Variants in NCKAP5 observed in about 807,000 individuals in gnomAD.
NCKAP5 encodes the protein nck-associated protein 5.
A neutral mutation model predicts 167.0 loss-of-function variants in NCKAP5; 92 were observed. The ratio of observed to expected loss-of-function variants is 0.55; its 90% CI spans 0.47 to 0.66. The LOEUF (loss-of-function observed/expected upper bound fraction) is 0.66. Ranked by LOEUF, NCKAP5 falls within the 30% of genes least tolerant of loss-of-function variation. NCKAP5 has a pLI of 0.00. For synonymous variants in NCKAP5, 891 were observed against 877.4 expected, an observed-to-expected ratio of 1.02 and a Z score of -0.27; for missense variants, 2,378 against 2,315.0, an observed-to-expected ratio of 1.03 and a Z score of -0.56.
intron 10 of NCKAP5, among the ~76,000 whole-genome samples, chr2:132,868,608 C>T (rs1438361826): frequency 6.6e-6 from 1 of 152,064 alleles, no homozygotes; most frequent in Non-Finnish European, 1.5e-5. Context: ...AAAGAAGATA[C>T]TCGTTTTATA....
chr2:133,252,432 C>A (rs1452092169), intron 4 of NCKAP5, among the ~76,000 whole-genome samples: 2 of 152,160 alleles, frequency 1.3e-5, no homozygotes, highest in East Asian at 3.9e-4. Context: ...AAGTAGAAAA[C>A]ACAAAAGCAC....
the NCKAP5 span, among the ~76,000 whole-genome samples, chr2:133,671,179 C>T: frequency 7.5e-6 from 1 of 132,546 alleles, no homozygotes; most frequent in Non-Finnish European, 1.5e-5. Flanking sequence ...CGTGCCATTG[C>T]ACTCCAGCCT....
At chr2:132,735,730 C>T (rs551659457) in intron 16 of NCKAP5, among the ~76,000 whole-genome samples, 2 of 152,206 alleles carry the variant, frequency 1.3e-5, no homozygotes, top group African/African-American at 2.4e-5. Context: ...ATTCAAAAAC[C>T]GAAGTAAGAA....
At chr2:133,335,361 C>T (rs946818347) in intron 3 of NCKAP5, among the ~76,000 whole-genome samples, 3 of 152,142 alleles carry the variant, frequency 2.0e-5, no homozygotes, top group Non-Finnish European at 4.4e-5. Flanking sequence ...GCTAGTAATT[C>T]TTATTTGACT....
chr2:132,989,840 T>A (rs1362853884), intron 7 of NCKAP5, among the ~76,000 whole-genome samples: 1 of 152,136 alleles, frequency 6.6e-6, no homozygotes, highest in Non-Finnish European at 1.5e-5. Flanking sequence ...GATACCCACA[T>A]CCCAGTCCCT....
chr2:133,394,345 C>T (rs1254895727), intron 3 of NCKAP5, among the ~76,000 whole-genome samples: 2 of 152,130 alleles, frequency 1.3e-5, no homozygotes, highest in Non-Finnish European at 2.9e-5. Flanking sequence ...AAGCATCTAG[C>T]GAGTCCCCTG....
At chr2:132,875,864 C>T (rs1160387490) in intron 9 of NCKAP5, among the ~76,000 whole-genome samples, 2 of 152,092 alleles carry the variant, frequency 1.3e-5, no homozygotes, top group Non-Finnish European at 2.9e-5. Context: ...TGTTTGTATA[C>T]AGGTGTGTGC....
At chr2:133,348,994 A>G (rs542207032) in intron 3 of NCKAP5, among the ~76,000 whole-genome samples, 1 of 152,358 alleles carries the variant, frequency 6.6e-6, no homozygotes, top group South Asian at 2.1e-4. Flanking sequence ...ATGTCCTTCC[A>G]AATATAACTC....
chr2:133,052,175 A>G (rs1236679483), intron 6 of NCKAP5, among the ~76,000 whole-genome samples: 1 of 152,220 alleles, frequency 6.6e-6, no homozygotes, highest in Admixed American at 6.5e-5. Flanking sequence ...CTTTTCATCA[A>G]TGACAAAATA....
intron 19 of NCKAP5, among the ~76,000 whole-genome samples, chr2:132,679,767 A>C (rs1264224334): frequency 6.6e-6 from 1 of 152,168 alleles, no homozygotes; most frequent in Non-Finnish European, 1.5e-5. Flanking sequence ...TGATGAACAA[A>C]TCTTGAGCAC....
intron 3 of NCKAP5, among the ~76,000 whole-genome samples, chr2:133,504,777 C>A (rs370240360): frequency 6.6e-6 from 1 of 152,128 alleles, no homozygotes; most frequent in African/African-American, 2.4e-5. Flanking sequence ...TGGGGCCTGG[C>A]AAGAGGCCAC....
At chr2:132,797,999 G>A (rs1684738574) in intron 11 of NCKAP5, among the ~76,000 whole-genome samples, 1 of 152,022 alleles carries the variant, frequency 6.6e-6, no homozygotes, top group Admixed American at 6.6e-5. Flanking sequence ...TGCTGTTGTG[G>A]GTTGGCCAGT....
chr2:132,978,623 G>C (rs1024600552), intron 7 of NCKAP5, among the ~76,000 whole-genome samples: 7 of 152,132 alleles, frequency 4.6e-5, no homozygotes, highest in Non-Finnish European at 1.0e-4. Flanking sequence ...CATGGTGACT[G>C]ACCCGCCTGT....
intron 6 of NCKAP5, among the ~76,000 whole-genome samples, chr2:133,086,351 G>T (rs1037448114): frequency 6.6e-6 from 1 of 152,114 alleles, no homozygotes; most frequent in Non-Finnish European, 1.5e-5. Flanking sequence ...CCACATTAAA[G>T]AAATTTGAGG....
chr2:133,655,437 G>A, the NCKAP5 span, among the ~76,000 whole-genome samples: 9 of 152,154 alleles, frequency 5.9e-5, no homozygotes, highest in Non-Finnish European at 1.3e-4. Context: ...ACAGAGCCTC[G>A]TACATACTTA....
intron 3 of NCKAP5, among the ~76,000 whole-genome samples, chr2:133,349,633 T>C (rs1235250949): frequency 6.6e-6 from 1 of 152,262 alleles, no homozygotes; most frequent in Non-Finnish European, 1.5e-5. Flanking sequence ...TCATGGAAAC[T>C]CATTTCTTCC....
At chr2:133,037,270 G>A (rs542173723) in intron 6 of NCKAP5, among the ~76,000 whole-genome samples, 1 of 152,116 alleles carries the variant, frequency 6.6e-6, no homozygotes, top group Non-Finnish European at 1.5e-5. Flanking sequence ...AAATACCAAT[G>A]ACATTCTTCA....
At chr2:132,727,147 A>G (rs1390623091) in intron 18 of NCKAP5, among the ~76,000 whole-genome samples, 1 of 152,192 alleles carries the variant, frequency 6.6e-6, no homozygotes, top group Admixed American at 6.5e-5. Context: ...ATCCTAGAGA[A>G]GTGTGTCCAT....
chr2:133,294,038 G>A (rs556275962), intron 4 of NCKAP5, among the ~76,000 whole-genome samples: 1 of 152,318 alleles, frequency 6.6e-6, no homozygotes, highest in African/African-American at 2.4e-5. Context: ...TTATTGAGTT[G>A]GCATAGCGTG....
Sources: allele counts gnomAD v4.1 joint callset (sites outside exome capture counted in the v4.1 genomes callset), GRCh38; gene constraint gnomAD v4.1.1; transcripts MANE v1.5; gene names NCBI Gene and HGNC (gene_info 2026-07-23, HGNC 2026-07-21).